Variants in TRIP13 observed in about 807,000 individuals in gnomAD.
TRIP13 encodes pachytene checkpoint protein 2 homolog.
TRIP13 carries 25 observed loss-of-function variants against 54.4 expected under a neutral mutation model. The observed-to-expected ratio is 0.46, with a 90% CI of 0.33 to 0.64. TRIP13 has a LOEUF of 0.64. Among genes scored for constraint, TRIP13 ranks in the 30% least tolerant of loss-of-function variants. TRIP13 has a pLI of 0.02. For synonymous variants in TRIP13, 207 were observed against 207.8 expected (o/e 1.00, Z 0.03); for missense variants, 373 against 534.2 (o/e 0.70, Z 2.97).
In TRIP13 at chr5:911,696, G is replaced by T; in HGVS notation, c.867-147G>T. Reference sequence around the variant, plus strand: ...CGAGAGCAAAGGCTGGGGGGTCTGCGTGGCCTGTGTTGGCACAAGGCCACT... The same window carrying T: ...CGAGAGCAAAGGCTGGGGGGTCTGCTTGGCCTGTGTTGGCACAAGGCCACT... On this transcript the variant is annotated intron_variant, in intron 9 of 12. Transcript: ENST00000166345. The surrounding 1 kb of genome is among the most constrained non-coding windows in gnomAD (Gnocchi z 4.7). 1 of 942,214 alleles carries T rather than the reference G, an allele frequency of 1.1e-6. No homozygotes were observed. The highest frequency in any genetic ancestry group is 1.5e-6 in the Non-Finnish European group (1 of 659,028). 58.4% of individuals were successfully genotyped at this position (942,214 alleles called of 1,614,324 possible). A position where few individuals can be genotyped will look rare whatever the true frequency, so the allele number is the denominator to read the frequency against.
Position 907,978 on chromosome 5 carries a change from T to G in TRIP13, c.673-10T>G, listed in dbSNP as rs1560948115. ...TGCACGTTGACACTAAAAGGGTGTT[T>G]GGGTTCCAGAGTGGCAAGCTGGTAA... On this transcript the variant is annotated splice_polypyrimidine_tract_variant and intron_variant, in intron 7 of 12. Coordinates refer to ENST00000166345, the MANE Select transcript of TRIP13 (RefSeq NM_004237.4). The surrounding 1 kb of genome is among the most constrained non-coding windows in gnomAD (Gnocchi z 4.1). The G allele has an allele frequency of 4.3e-6, 7 of 1,614,096 alleles. No individual in the cohort carries two copies. In the Admixed American group the frequency reaches 1.2e-4, roughly 27 times the overall value.
At position 914,453 on chromosome 5, in the gene TRIP13, C is replaced by G. The variant is rs554627023; in HGVS notation, c.1021-12C>G. ...TGGACTCAGCTAACCGCCTGTACTT[C>G]TGTCTCCCCAGTGTCAGATCATATA... On this transcript the variant is annotated splice_polypyrimidine_tract_variant and intron_variant, in intron 10 of 12. Coordinates refer to ENST00000166345, the MANE Select transcript of TRIP13 (RefSeq NM_004237.4). 64 of 1,606,566 alleles carry G rather than the reference C, an allele frequency of 4.0e-5. No individual in the cohort carries two copies. In the South Asian group the frequency reaches 6.7e-4, roughly 17 times the overall value.
rs561261405 is a variant in TRIP13, at chr5:913,478, C to T, written c.1021-987C>T. On this transcript the variant is annotated intron_variant, in intron 10 of 12. Coordinates refer to ENST00000166345, the MANE Select transcript of TRIP13 (RefSeq NM_004237.4). This position sits in a 1 kb window ranked among gnomAD's most constrained non-coding sequence, Gnocchi z 4.5. ...TCAAGCGATTCTCGTGCCTCAGCTT[C>T]GTGAGTAGCTGGGATTACAGGTGCA... Among the ~76,000 whole-genome samples, 98 of 152,276 alleles carry T rather than the reference C, an allele frequency of 6.4e-4. No homozygotes were observed. The highest frequency in any genetic ancestry group is 2.2e-3 in the African/African-American group (92 of 41,554).
intron 6 of TRIP13, 95 bp downstream of exon 6, chr5:904,315 A>G: frequency 9.9e-7 from 1 of 1,011,836 alleles, no homozygotes; most frequent in Non-Finnish European, 1.5e-6. Context: ...TACGCAAATA[A>G]TAGATTCCTC....
Position 908,558 on chromosome 5 carries a change from G to A in TRIP13, c.866+97G>A, listed in dbSNP as rs1487997808. On this transcript the variant is annotated intron_variant, in intron 9 of 12. Transcript: ENST00000166345. This position sits in a 1 kb window ranked among gnomAD's most constrained non-coding sequence, Gnocchi z 5.2. Reference sequence around the variant, plus strand: ...GTGCAACCCTAGATCTTAGTGCCCAGCTCTTTCACCGGAAAGTGCATTTGG... The same window carrying A: ...GTGCAACCCTAGATCTTAGTGCCCAACTCTTTCACCGGAAAGTGCATTTGG... 8 of 1,553,880 alleles carry A rather than the reference G, an allele frequency of 5.1e-6. No homozygotes were observed. The highest frequency in any genetic ancestry group is 2.3e-5 in the East Asian group (1 of 43,526).
intron 6 of TRIP13, among the ~76,000 whole-genome samples, chr5:906,093 TC>T (rs1754109783): frequency 1.3e-5 from 2 of 152,140 alleles, no homozygotes; most frequent in African/African-American, 4.8e-5. Flanking sequence ...ATGCCTGTGG[TC>T]CCAGCTTCTT....
Position 908,325 on chromosome 5 carries a change from C to T in TRIP13, c.760-30C>T, listed in dbSNP as rs1373797512. The T allele has an allele frequency of 6.2e-7, 1 of 1,606,896 alleles. No homozygotes were observed. Among genetic ancestry groups the T allele is most frequent in the Non-Finnish European group, 8.5e-7 (1 of 1,179,270 alleles). On this transcript the variant is annotated intron_variant, in intron 8 of 12. Coordinates refer to ENST00000166345, the MANE Select transcript of TRIP13 (RefSeq NM_004237.4). The surrounding 1 kb of genome is among the most constrained non-coding windows in gnomAD (Gnocchi z 5.2). ...TGCCTGTGAAGTGCCAGGCCCTGTC[C>T]TTTTTGACCCCACTGCTCCCTCCCA...
chr5:912,837 C>T lies in TRIP13; in HGVS notation c.1020+841C>T, dbSNP rs1484534255. Among the ~76,000 whole-genome samples, 4 of 152,234 alleles carry T rather than the reference C, an allele frequency of 2.6e-5. No individual in the cohort carries two copies. The highest frequency in any genetic ancestry group is 5.9e-5 in the Non-Finnish European group (4 of 68,040). On this transcript the variant is annotated intron_variant, in intron 10 of 12. Coordinates refer to ENST00000166345, the MANE Select transcript of TRIP13 (RefSeq NM_004237.4). The surrounding 1 kb of genome is among the most constrained non-coding windows in gnomAD (Gnocchi z 7.2). ...GGGAACAGACCTGTCCCAGACAAAT[C>T]ATCCTGCAGGGGCCTTTGTTTAGGG...
Position 908,161 on chromosome 5 carries a change from C to T in TRIP13, c.759+87C>T. The T allele has an allele frequency of 6.6e-7, 1 of 1,509,954 alleles. No individual in the cohort carries two copies. The highest frequency in any genetic ancestry group is 9.2e-7 in the Non-Finnish European group (1 of 1,087,128). The allele number at this position is 1,509,954 out of a possible 1,614,324, so 93.5% of individuals were successfully genotyped here. A position where few individuals can be genotyped will look rare whatever the true frequency, so the allele number is the denominator to read the frequency against. Reference sequence around the variant, plus strand: ...GCCTACTCCTGATGCTCCTAGCTTTCCCCTCCTACAGCCGGGCTGCCCTCT... The same window carrying T: ...GCCTACTCCTGATGCTCCTAGCTTTTCCCTCCTACAGCCGGGCTGCCCTCT... On this transcript the variant is annotated intron_variant, in intron 8 of 12. Coordinates refer to ENST00000166345, the MANE Select transcript of TRIP13 (RefSeq NM_004237.4). This position sits in a 1 kb window ranked among gnomAD's most constrained non-coding sequence, Gnocchi z 5.2.
Position 908,205 on chromosome 5 carries a change from C to T in TRIP13, c.759+131C>T, listed in dbSNP as rs769160684. On this transcript the variant is annotated intron_variant, in intron 8 of 12. Transcript: ENST00000166345. The surrounding 1 kb of genome is among the most constrained non-coding windows in gnomAD (Gnocchi z 5.2). ...GCCCTCTATCCCTCCCTGCACTGTGCGCCTTTCCACCTTGCCGCAGCATCC... is the reference window on the plus strand; with the variant it reads ...GCCCTCTATCCCTCCCTGCACTGTGTGCCTTTCCACCTTGCCGCAGCATCC... The T allele has an allele frequency of 3.5e-5, 48 of 1,364,940 alleles. No homozygotes were observed. Among genetic ancestry groups the T allele is most frequent in the African/African-American group, 2.1e-4 (15 of 70,004 alleles). 84.6% of individuals were successfully genotyped at this position (1,364,940 alleles called of 1,614,324 possible). A position where few individuals can be genotyped will look rare whatever the true frequency, so the allele number is the denominator to read the frequency against.
intron 9 of TRIP13, among the ~76,000 whole-genome samples, chr5:910,124 G>A (rs1560949223): frequency 6.6e-6 from 1 of 152,182 alleles, no homozygotes; most frequent in African/African-American, 2.4e-5. Context: ...TCCCCACCTG[G>A]CTTGTCTCTC....
rs370965633 is a variant in TRIP13, at chr5:893,247, C to G, written c.92+157C>G. Reference sequence around the variant, plus strand: ...ACCCGGGCGCACAGGCCGCCGGGCCCCGACCGGATCCTAGCGCAATGACGC... The same window carrying G: ...ACCCGGGCGCACAGGCCGCCGGGCCGCGACCGGATCCTAGCGCAATGACGC... On this transcript the variant is annotated intron_variant, in intron 1 of 12. Coordinates refer to ENST00000166345, the MANE Select transcript of TRIP13 (RefSeq NM_004237.4). Among the ~76,000 whole-genome samples, 126 of 152,032 alleles carry G rather than the reference C, an allele frequency of 8.3e-4. 3 individuals are homozygous for G. The East Asian group carries it at 0.016, about 19-fold the overall frequency.
chr5:894,119 G>T (rs181157874), intron 1 of TRIP13, among the ~76,000 whole-genome samples: 1 of 152,166 alleles, frequency 6.6e-6, no homozygotes, highest in Non-Finnish European at 1.5e-5. Context: ...GATTGCAAAG[G>T]GGCCACATGT....
Position 914,695 on chromosome 5 carries a change from A to G in TRIP13, c.1133+118A>G. 9.1e-6 allele frequency: 7 copies of G among 768,720 alleles called. No individual in the cohort carries two copies. The Middle Eastern group carries it at 1.2e-3, about 135-fold the overall frequency. The allele number at this position is 768,720 out of a possible 1,614,324, so 47.6% of individuals were successfully genotyped here. On this transcript the variant is annotated intron_variant, in intron 11 of 12. Transcript: ENST00000166345. ...CCTGGGTGTGAACTCTCAACACAGT[A>G]TAGGTATGAACATGCATGTACACAC...
rs1753879284 is a variant in TRIP13, at chr5:894,792, CAAAG to C, written c.105_108del (p.Glu36ThrfsTer2). 5 of 1,595,758 alleles carry C rather than the reference CAAAG, an allele frequency of 3.1e-6. No homozygotes were observed. Among genetic ancestry groups the C allele is most frequent in the Non-Finnish European group, 4.3e-6 (5 of 1,172,806 alleles). ...GTTTTGGCTTCTTTTTTTAGCACTG[CAAAG>C]AAAGAAGACATAAACCTGAGTGTTA... On this transcript the variant is annotated frameshift_variant, in exon 2 of 13. Coordinates refer to ENST00000166345, the MANE Select transcript of TRIP13 (RefSeq NM_004237.4). LOFTEE classifies it high-confidence loss of function.
intron 6 of TRIP13, among the ~76,000 whole-genome samples, chr5:905,318 C>T (rs953447566): frequency 2.0e-5 from 3 of 152,202 alleles, no homozygotes; most frequent in African/African-American, 4.8e-5. Flanking sequence ...TCACAGACCA[C>T]GGGCGCCCTT....
At chr5:900,763 A>G (rs1281642340) in intron 4 of TRIP13, among the ~76,000 whole-genome samples, 1 of 152,156 alleles carries the variant, frequency 6.6e-6, no homozygotes, top group Non-Finnish European at 1.5e-5. Flanking sequence ...GGAAAGGGAG[A>G]ACGTGAAGGC....
chr5:912,713 C>G lies in TRIP13; in HGVS notation c.1020+717C>G, dbSNP rs1320585581. Among the ~76,000 whole-genome samples, 1 of 151,714 alleles carries G rather than the reference C, an allele frequency of 6.6e-6. No individual in the cohort carries two copies. Among genetic ancestry groups the G allele is most frequent in the East Asian group, 1.9e-4 (1 of 5,162 alleles). On this transcript the variant is annotated intron_variant, in intron 10 of 12. Coordinates refer to ENST00000166345, the MANE Select transcript of TRIP13 (RefSeq NM_004237.4). The surrounding 1 kb of genome is among the most constrained non-coding windows in gnomAD (Gnocchi z 7.2). ...ACGCGTGTGGTGAGTGTGCGTGAGT[C>G]TGGAACGCCGTCGCCATGGGCAGTG...
In TRIP13 at chr5:914,552, A is replaced by G; in HGVS notation, c.1108A>G (p.Ser370Gly). 1.2e-6 allele frequency: 2 copies of G among 1,613,498 alleles called. No individual in the cohort carries two copies. Among genetic ancestry groups the G allele is most frequent in the Non-Finnish European group, 1.7e-6 (2 of 1,179,884 alleles). Residue 370 changes from serine to glycine, a missense_variant, in exon 11 of 13, where the codon AGC becomes GGC. Around this residue, in one of 4 missense-constraint regions of TRIP13, gnomAD observed 101 missense variants for 138.5 expected, o/e 0.73. Coordinates refer to ENST00000166345, the MANE Select transcript of TRIP13 (RefSeq NM_004237.4). ...CATTGAAAACAACGTGTCAAAATTG[A>G]GCCTTCTTTTGAATGACATTTCAAG... ...GFIENNVSKLSLLLNDISRKS... is the reference protein window; with the variant it reads ...GFIENNVSKLGLLLNDISRKS...
Sources: allele counts gnomAD v4.1 joint callset (sites outside exome capture counted in the v4.1 genomes callset), GRCh38; gene constraint gnomAD v4.1.1; regional missense constraint gnomAD v4.1.1; non-coding constraint Gnocchi (gnomAD v3.1); transcripts MANE v1.5; gene names NCBI Gene and HGNC (gene_info 2026-07-23, HGNC 2026-07-21).